EDIL3: variants seen among roughly 807,000 people sequenced by gnomAD.
The protein encoded by EDIL3 is EGF-like repeat and discoidin I-like domain-containing protein 3.
Under a neutral mutation model 67.4 loss-of-function variants are expected in EDIL3, and 37 were observed. That is an observed-to-expected ratio of 0.55 (90% CI 0.42 to 0.72). EDIL3 has a LOEUF of 0.72. Ranked by LOEUF, EDIL3 falls within the 30% of genes least tolerant of loss-of-function variation. EDIL3 has a pLI of 0.00. For missense variants in EDIL3, 527 were observed against 586.3 expected (o/e 0.90, Z 1.04); for synonymous variants, 195 against 196.3 (o/e 0.99, Z 0.05).
At chr5:84,257,570 A>G (rs16901011) in intron 1 of EDIL3, among the ~76,000 whole-genome samples, 17,830 of 152,192 alleles carry the variant, frequency 0.12, 1,220 homozygotes, top group African/African-American at 0.17. Flanking sequence ...GGAAGAGCAA[A>G]AAATTTGGGT....
chr5:84,137,382 G>A, intron 4 of EDIL3, 28 bp from the exon 5 acceptor site: 2 of 1,570,598 alleles, frequency 1.3e-6, no homozygotes, highest in South Asian at 1.2e-5. Context: ...GACAGAGGAA[G>A]AGAATTATTG....
chr5:84,305,056 C>A (rs1746237762), intron 1 of EDIL3, among the ~76,000 whole-genome samples: 1 of 152,108 alleles, frequency 6.6e-6, no homozygotes, highest in Non-Finnish European at 1.5e-5. Flanking sequence ...TGATTTGGAA[C>A]ATTTTTTGCA....
At chr5:84,149,634 T>A (rs1748351807) in intron 4 of EDIL3, among the ~76,000 whole-genome samples, 1 of 152,064 alleles carries the variant, frequency 6.6e-6, no homozygotes, top group Non-Finnish European at 1.5e-5. Context: ...TGGAATCCAA[T>A]CAAGATTAAC....
chr5:84,159,296 C>T (rs1261278360), intron 4 of EDIL3, among the ~76,000 whole-genome samples: 1 of 152,042 alleles, frequency 6.6e-6, no homozygotes, highest in Non-Finnish European at 1.5e-5. Flanking sequence ...AGGTATTTCT[C>T]TTCCTGCTGC....
chr5:84,037,988 G>GTTTTTTTTTTTTTTTTTTTTTTTTTTTT (rs67762520), intron 9 of EDIL3, among the ~76,000 whole-genome samples: 6 of 99,696 alleles, frequency 6.0e-5, no homozygotes, highest in Admixed American at 1.1e-4. Context: ...TTTCTTTCTT[G>GTTTTTTTTTTTTTTTTTTTTTTTTTTTT]TTTTTTTTTT....
Position 84,384,478 on chromosome 5 carries a change from A to G in EDIL3, c.-104T>C. ...CAGCAGCAGACTCCGCCCCTACTAAAGAATTCAAGAAGACGTTCTCTTTCC... is the reference window on the plus strand; with the variant it reads ...CAGCAGCAGACTCCGCCCCTACTAAGGAATTCAAGAAGACGTTCTCTTTCC... On this transcript the variant is annotated 5_prime_UTR_variant, in exon 1 of 11. Coordinates refer to ENST00000296591, the MANE Select transcript of EDIL3 (RefSeq NM_005711.5). The G allele has an allele frequency of 1.9e-6, 2 of 1,072,828 alleles. No individual in the cohort carries two copies. 66.5% of individuals were successfully genotyped at this position (1,072,828 alleles called of 1,614,324 possible).
intron 2 of EDIL3, among the ~76,000 whole-genome samples, chr5:84,251,249 A>G (rs2112072476): frequency 6.6e-6 from 1 of 152,188 alleles, no homozygotes; most frequent in Middle Eastern, 3.4e-3. Context: ...AGTAGCTGGG[A>G]CTACAGGAAC....
chr5:84,101,732 AC>A (rs896298465), intron 6 of EDIL3, among the ~76,000 whole-genome samples: 1 of 150,882 alleles, frequency 6.6e-6, no homozygotes, highest in Non-Finnish European at 1.5e-5. Flanking sequence ...GCTGAATTCT[AC>A]CAGATATACA....
At chr5:84,176,232 ATTGTATG>A (rs1748911795) in intron 4 of EDIL3, among the ~76,000 whole-genome samples, 1 of 139,202 alleles carries the variant, frequency 7.2e-6, no homozygotes, top group Non-Finnish European at 1.5e-5. Context: ...TATATAATAT[ATTGTATG>A]TATAATATAT....
chr5:84,312,219 G>A (rs1353739705), intron 1 of EDIL3, among the ~76,000 whole-genome samples: 101 of 143,552 alleles, frequency 7.0e-4, no homozygotes, highest in Non-Finnish European at 1.1e-3. Flanking sequence ...CCGACGGGGC[G>A]GCTGGCCGGG....
intron 4 of EDIL3, among the ~76,000 whole-genome samples, chr5:84,163,557 A>G (rs1326458036): frequency 6.6e-6 from 1 of 152,120 alleles, no homozygotes; most frequent in Non-Finnish European, 1.5e-5. Context: ...TTAATAAAAA[A>G]GTCATGGATA....
chr5:84,170,219 T>A (rs1748790303), intron 4 of EDIL3, among the ~76,000 whole-genome samples: 1 of 152,314 alleles, frequency 6.6e-6, no homozygotes, highest in South Asian at 2.1e-4. Context: ...AGCATCTGTC[T>A]CCAAATAGCC....
intron 3 of EDIL3, among the ~76,000 whole-genome samples, chr5:84,191,047 T>C (rs372746161): frequency 1.3e-5 from 2 of 152,034 alleles, no homozygotes; most frequent in African/African-American, 4.8e-5. Context: ...TGGATATAAA[T>C]ATCAGTAGCC....
chr5:84,088,450 T>C (rs887299155), intron 6 of EDIL3, among the ~76,000 whole-genome samples: 5 of 152,338 alleles, frequency 3.3e-5, no homozygotes, highest in African/African-American at 7.2e-5. Flanking sequence ...AAGCTGACAT[T>C]ATGTAAAAAT....
chr5:84,104,405 A>C (rs1424559105), intron 6 of EDIL3, among the ~76,000 whole-genome samples: 1 of 151,948 alleles, frequency 6.6e-6, no homozygotes, highest in African/African-American at 2.4e-5. Context: ...AAAAAAAAAG[A>C]AAATTGGTAA....
intron 1 of EDIL3, among the ~76,000 whole-genome samples, chr5:84,358,338 A>G (rs1389670525): frequency 1.3e-5 from 2 of 152,186 alleles, no homozygotes; most frequent in Non-Finnish European, 2.9e-5. Flanking sequence ...ACCCTGCACC[A>G]CATCAGGTAA....
chr5:84,337,499 A>T (rs1344540746), intron 1 of EDIL3, among the ~76,000 whole-genome samples: 1 of 152,144 alleles, frequency 6.6e-6, no homozygotes, highest in African/African-American at 2.4e-5. Flanking sequence ...ACTAAAATTA[A>T]TTACTATATA....
intron 9 of EDIL3, among the ~76,000 whole-genome samples, chr5:83,996,491 C>T (rs2112164797): frequency 6.6e-6 from 1 of 152,256 alleles, no homozygotes; most frequent in East Asian, 1.9e-4. Context: ...TTTATTTGTT[C>T]TTTGAGCAAG....
At chr5:84,010,465 C>T (rs2301076) in intron 9 of EDIL3, among the ~76,000 whole-genome samples, 57,600 of 151,916 alleles carry the variant, frequency 0.38, 11,045 homozygotes, top group East Asian at 0.46. Flanking sequence ...CTATTCTCTT[C>T]CAAAATTATT....
Sources: gnomAD v4.1 joint callset for allele counts (sites outside exome capture counted in the v4.1 genomes callset) on GRCh38, gnomAD v4.1.1 for gene constraint, MANE v1.5 for transcripts, NCBI Gene and HGNC (gene_info 2026-07-23, HGNC 2026-07-21) for gene names.